FNIP1: variants seen among roughly 807,000 people sequenced by gnomAD.
The protein encoded by FNIP1 is folliculin interacting protein 1.
Under a neutral mutation model 124.5 loss-of-function variants are expected in FNIP1, and 40 were observed. The observed-to-expected ratio is 0.32, with a 90% CI of 0.25 to 0.42. The LOEUF is 0.42. Among genes scored for constraint, FNIP1 ranks in the 10% least tolerant of loss-of-function variants. FNIP1 has a pLI of 1.00. For missense variants in FNIP1, 1,176 were observed against 1,403.7 expected (o/e 0.84, Z 2.59); for synonymous variants, 472 against 470.6 (o/e 1.00, Z -0.04).
chr5:131,795,315 C>A (rs746221867), intron 1 of FNIP1, among the ~76,000 whole-genome samples: 2 of 152,074 alleles, frequency 1.3e-5, no homozygotes, highest in Non-Finnish European at 2.9e-5. Context: ...TCTTTGGTAA[C>A]TGTAAAATAG....
chr5:131,768,837 T>C (rs1378772024), intron 1 of FNIP1, among the ~76,000 whole-genome samples: 1 of 152,102 alleles, frequency 6.6e-6, no homozygotes, highest in Non-Finnish European at 1.5e-5. Flanking sequence ...AAAAACAATG[T>C]ACCTAAATTA....
At chr5:131,652,980 A>G (rs1298380943) in intron 15 of FNIP1, among the ~76,000 whole-genome samples, 2 of 152,132 alleles carry the variant, frequency 1.3e-5, no homozygotes, top group Non-Finnish European at 2.9e-5. Flanking sequence ...AACACAAACA[A>G]CAACAACAAC....
intron 12 of FNIP1, among the ~76,000 whole-genome samples, chr5:131,678,594 G>C (rs944082295): frequency 2.8e-4 from 36 of 128,746 alleles, no homozygotes; most frequent in African/African-American, 1.1e-3. Flanking sequence ...TGTATTTTTA[G>C]TAGAGACAGG....
intron 13 of FNIP1, among the ~76,000 whole-genome samples, chr5:131,676,600 A>C (rs971289257): frequency 6.6e-6 from 1 of 152,056 alleles, no homozygotes; most frequent in Non-Finnish European, 1.5e-5. Context: ...CTCTACAATA[A>C]ATACAAAAAC....
At chr5:131,686,270 A>G (rs1261715474) in intron 11 of FNIP1, among the ~76,000 whole-genome samples, 2 of 152,240 alleles carry the variant, frequency 1.3e-5, no homozygotes, top group Non-Finnish European at 2.9e-5. Flanking sequence ...GTAATTGTGT[A>G]AGACAAGGCT....
At chr5:131,752,333 G>A (rs199888486) in intron 1 of FNIP1, among the ~76,000 whole-genome samples, 8 of 151,954 alleles carry the variant, frequency 5.3e-5, no homozygotes, top group East Asian at 1.9e-4. Flanking sequence ...GTGAGCCACC[G>A]CGCCCAGCCA....
intron 4 of FNIP1, 63 bp downstream of exon 4, chr5:131,719,254 C>G: frequency 6.9e-7 from 1 of 1,450,418 alleles, no homozygotes; most frequent in Non-Finnish European, 9.5e-7. Flanking sequence ...ATAAAATTCT[C>G]TCTAAAAAAA....
At chr5:131,651,694 G>C in intron 16 of FNIP1, 108 bp downstream of exon 16, 1 of 987,022 alleles carries the variant, frequency 1.0e-6, no homozygotes, top group Non-Finnish European at 1.5e-6. Context: ...ATATGAGTTC[G>C]GGTAATGACA....
chr5:131,773,053 T>C (rs541514392), intron 1 of FNIP1, among the ~76,000 whole-genome samples: 1 of 152,150 alleles, frequency 6.6e-6, no homozygotes, highest in South Asian at 2.1e-4. Flanking sequence ...AAACCTGTCA[T>C]ACCCTTCCTG....
chr5:131,655,900 A>C (rs1415303870), intron 15 of FNIP1, among the ~76,000 whole-genome samples: 1 of 151,872 alleles, frequency 6.6e-6, no homozygotes. Context: ...CCTGGGTGAC[A>C]GAGCAAGACT....
chr5:131,739,006 G>A (rs915115428), intron 2 of FNIP1, among the ~76,000 whole-genome samples: 3 of 151,926 alleles, frequency 2.0e-5, no homozygotes, highest in African/African-American at 7.3e-5. Flanking sequence ...TGTAGAGACG[G>A]GGTCTTCCTA....
chr5:131,749,910 T>C (rs1375219474), intron 1 of FNIP1, among the ~76,000 whole-genome samples: 2 of 152,112 alleles, frequency 1.3e-5, no homozygotes, highest in African/African-American at 2.4e-5. Context: ...TGTGTGATGT[T>C]TGCATAACAA....
chr5:131,647,195 T>G lies in FNIP1; in HGVS notation c.3317A>C (p.His1106Pro). Residue 1106 changes from histidine (H) to proline (P), a missense_variant, in exon 17 of 18, where the codon CAT becomes CCT. Coordinates refer to ENST00000510461, the MANE Select transcript of FNIP1 (RefSeq NM_133372.3). ...HNLSPNFCVM[H>P]LEDRLQELYF... ...TAGCTCCTGCAACCGGTCTTCAAGA[T>G]GCATTACACACTGCAGTTAGGGAGG... The G allele has an allele frequency of 6.2e-7, 1 of 1,613,890 alleles. No homozygotes were observed. The highest frequency in any genetic ancestry group is 8.5e-7 in the Non-Finnish European group (1 of 1,179,798).
At chr5:131,658,321 G>C (rs1767273325) in intron 15 of FNIP1, among the ~76,000 whole-genome samples, 1 of 152,180 alleles carries the variant, frequency 6.6e-6, no homozygotes, top group South Asian at 2.1e-4. Context: ...ATATTAGTGA[G>C]AACATTATAA....
chr5:131,720,622 A>G (rs1045001872), intron 3 of FNIP1, among the ~76,000 whole-genome samples: 1 of 152,208 alleles, frequency 6.6e-6, no homozygotes, highest in African/African-American at 2.4e-5. Context: ...TGTATCTGAT[A>G]AGGGATTTGG....
In FNIP1 at chr5:131,672,204, G is replaced by A; in HGVS notation, c.2240C>T (p.Ala747Val). The change falls in exon 14 of 18, where the codon GCC becomes GTC. Residue 747 changes from alanine to valine, a missense_variant. Around this residue, in one of 2 missense-constraint regions of FNIP1, gnomAD observed 1,109 missense variants for 1,288.5 expected, o/e 0.86. Coordinates refer to ENST00000510461, the MANE Select transcript of FNIP1 (RefSeq NM_133372.3). ...AATCAGGAAAGTAACCTTTGTCTGG[G>A]CAGCCTCACAAGAAAATGAAGCAGG... Reference protein sequence around the residue: ...IVPASFSCEAAQTKVTFLIGD... With the variant: ...IVPASFSCEAVQTKVTFLIGD... 1 of 1,614,184 alleles carries A rather than the reference G, an allele frequency of 6.2e-7. No individual in the cohort carries two copies. The highest frequency in any genetic ancestry group is 8.5e-7 in the Non-Finnish European group (1 of 1,180,042).
chr5:131,644,707 T>C lies in FNIP1; in HGVS notation c.3479A>G (p.Tyr1160Cys). 6.2e-7 allele frequency: 1 copy of C among 1,613,894 alleles called. No individual in the cohort carries two copies. The highest frequency in any genetic ancestry group is 1.1e-5 in the South Asian group (1 of 91,078). Residue 1160 changes from tyrosine to cysteine, a missense_variant, in exon 18 of 18, where the codon TAT becomes TGT. Physicochemically the swap from Tyr to Cys is radical, Grantham distance 194. Transcript: ENST00000510461. ...LAAVASTHSP[Y>C]VAQILL is the part of the protein sequence containing the mutation. Reference sequence around the variant, plus strand: ...ATATTAAAGGAGTATTTGTGCAACATATGGAGAGTGAGTGCTTGCTACAGC... The same window carrying C: ...ATATTAAAGGAGTATTTGTGCAACACATGGAGAGTGAGTGCTTGCTACAGC...
At chr5:131,707,185 G>T (rs1320563483) in intron 8 of FNIP1, among the ~76,000 whole-genome samples, 2 of 152,158 alleles carry the variant, frequency 1.3e-5, no homozygotes, top group Non-Finnish European at 2.9e-5. Context: ...AAACACTTCT[G>T]TGAAATCTGT....
intron 1 of FNIP1, among the ~76,000 whole-genome samples, chr5:131,761,255 ACCAGGAAGT>A: frequency 6.6e-6 from 1 of 152,172 alleles, no homozygotes; most frequent in East Asian, 1.9e-4. Context: ...AAACATACTG[ACCAGGAAGT>A]CCTAGCTGGA....
Sources: gnomAD v4.1 joint callset for allele counts (sites outside exome capture counted in the v4.1 genomes callset) on GRCh38, gnomAD v4.1.1 for gene constraint, gnomAD v4.1.1 regional missense constraint, MANE v1.5 for transcripts, NCBI Gene and HGNC (gene_info 2026-07-23, HGNC 2026-07-21) for gene names.